The following PDE7B variants were observed in gnomAD, a reference collection of about 807,000 sequenced individuals.
The protein encoded by PDE7B is 3',5'-cyclic-AMP phosphodiesterase 7B.
A neutral mutation model predicts 56.2 loss-of-function variants in PDE7B; 29 were observed. That is an observed-to-expected ratio of 0.52 (90% CI 0.38 to 0.70). The LOEUF (loss-of-function observed/expected upper bound fraction) is 0.70. PDE7B is among the 30% of genes least tolerant of loss of function. The pLI, the probability that PDE7B is intolerant of heterozygous loss-of-function variation, is 0.00. For missense variants in PDE7B, 490 were observed against 565.0 expected, an observed-to-expected ratio of 0.87 and a Z score of 1.35; for synonymous variants, 197 against 196.9, an observed-to-expected ratio of 1.00 and a Z score of 0.00.
At chr6:135,897,424 G>T (rs1042861190) in intron 1 of PDE7B, among the ~76,000 whole-genome samples, 4 of 152,104 alleles carry the variant, frequency 2.6e-5, no homozygotes, top group African/African-American at 9.7e-5. Context: ...CTTGCCTACT[G>T]CAGACAGCAG....
At chr6:135,935,118 AGAGAGAGATGAAG>A (rs1774388735) in intron 1 of PDE7B, among the ~76,000 whole-genome samples, 7 of 96,634 alleles carry the variant, frequency 7.2e-5, no homozygotes, top group African/African-American at 3.1e-4. Flanking sequence ...TATTTTATAT[AGAGAGAGATGAAG>A]TATATATTTA....
chr6:136,002,143 G>C (rs28896555), intron 2 of PDE7B, among the ~76,000 whole-genome samples: 2,243 of 152,190 alleles, frequency 0.015, 50 homozygotes, highest in African/African-American at 0.051. Context: ...CACAGACAAG[G>C]AAATGCTGAG....
intron 3 of PDE7B, among the ~76,000 whole-genome samples, chr6:136,131,413 G>T (rs865955016): frequency 1.3e-5 from 2 of 151,246 alleles, no homozygotes; most frequent in Non-Finnish European, 2.9e-5. Context: ...TGTCCCTTCA[G>T]GTAAAATTTC....
chr6:136,021,644 CA>C (rs57606305), intron 2 of PDE7B, among the ~76,000 whole-genome samples: 530 of 130,002 alleles, frequency 4.1e-3, no homozygotes, highest in Middle Eastern at 4.3e-3. Flanking sequence ...AACTCTGTCT[CA>C]AAAAAAAAAA....
chr6:136,144,280 C>T (rs1778377642), intron 3 of PDE7B, among the ~76,000 whole-genome samples: 1 of 152,062 alleles, frequency 6.6e-6, no homozygotes, highest in Admixed American at 6.6e-5. Context: ...CAAGAATACT[C>T]ATATACTCTT....
Position 135,947,450 on chromosome 6 carries a change from T to G in PDE7B, c.22-14T>G. On this transcript the variant is annotated splice_polypyrimidine_tract_variant and intron_variant, in intron 1 of 12. Transcript: ENST00000308191. Reference sequence around the variant, plus strand: ...TGAAATCTTAAAATAACCTTGGCTATCTTTCTATTTCAGAGGTGTGGCGAA... The same window carrying G: ...TGAAATCTTAAAATAACCTTGGCTAGCTTTCTATTTCAGAGGTGTGGCGAA... 1 of 1,600,880 alleles carries G rather than the reference T, an allele frequency of 6.2e-7. No homozygotes were observed. Among genetic ancestry groups the G allele is most frequent in the Non-Finnish European group, 8.6e-7 (1 of 1,168,236 alleles).
chr6:135,994,316 A>G (rs1156432424), intron 2 of PDE7B, among the ~76,000 whole-genome samples: 1 of 152,190 alleles, frequency 6.6e-6, no homozygotes, highest in African/African-American at 2.4e-5. Context: ...ACGAAAATGA[A>G]AAGATGAATG....
intron 8 of PDE7B, among the ~76,000 whole-genome samples, chr6:136,164,993 A>T (rs1778770021): frequency 6.6e-6 from 1 of 152,228 alleles, no homozygotes; most frequent in South Asian, 2.1e-4. Context: ...ACTGGACATT[A>T]CATCTTTTGT....
chr6:136,013,774 T>C (rs768967072), intron 2 of PDE7B, among the ~76,000 whole-genome samples: 4 of 152,242 alleles, frequency 2.6e-5, no homozygotes, highest in Non-Finnish European at 5.9e-5. Flanking sequence ...TAGGGTTAAC[T>C]TGACTGCCAG....
intron 2 of PDE7B, among the ~76,000 whole-genome samples, chr6:136,040,989 C>T (rs1459916171): frequency 6.6e-6 from 1 of 152,178 alleles, no homozygotes; most frequent in Non-Finnish European, 1.5e-5. Context: ...ATTTATAGCA[C>T]ACATATTTTT....
In PDE7B at chr6:135,861,347, G is replaced by A. The variant is rs149868865; in HGVS notation, c.21+9328G>A. Among the ~76,000 whole-genome samples the A allele has an allele frequency of 1.6e-3, 236 of 151,840 alleles. 1 individual carries two copies. The highest frequency in any genetic ancestry group is 5.4e-3 in the African/African-American group (224 of 41,524). On this transcript the variant is annotated intron_variant, in intron 1 of 12. Coordinates refer to ENST00000308191, the MANE Select transcript of PDE7B (RefSeq NM_018945.4). The stretch of plus-strand genomic sequence containing the variant: ...ATTTACGCCCCCACCAACAATACAT[G>A]TTCAGTTACTCTACTTCCTCACTGG...
chr6:135,979,703 AAG>A (rs1775259861), intron 2 of PDE7B, among the ~76,000 whole-genome samples: 1 of 152,162 alleles, frequency 6.6e-6, no homozygotes, highest in African/African-American at 2.4e-5. Context: ...AATTGCTTCA[AAG>A]AGAATAAAAT....
At chr6:135,971,628 A>G (rs749152038) in intron 2 of PDE7B, among the ~76,000 whole-genome samples, 2 of 152,156 alleles carry the variant, frequency 1.3e-5, no homozygotes, top group Non-Finnish European at 2.9e-5. Flanking sequence ...TGGAGTGTTA[A>G]AATAAAAAAT....
intron 1 of PDE7B, among the ~76,000 whole-genome samples, chr6:135,924,052 A>T (rs1774138906): frequency 6.6e-6 from 1 of 152,204 alleles, no homozygotes; most frequent in African/African-American, 2.4e-5. Flanking sequence ...TGTAAAAACA[A>T]TTAGTGATAG....
At chr6:136,122,916 G>C (rs1282825174) in intron 3 of PDE7B, among the ~76,000 whole-genome samples, 1 of 152,174 alleles carries the variant, frequency 6.6e-6, no homozygotes, top group East Asian at 1.9e-4. Flanking sequence ...ATGCTCTTCA[G>C]GCAAGCCTCC....
intron 1 of PDE7B, among the ~76,000 whole-genome samples, chr6:135,892,073 A>G (rs1562427407): frequency 6.6e-6 from 1 of 152,128 alleles, no homozygotes; most frequent in East Asian, 1.9e-4. Context: ...ATTGTTTACT[A>G]TGTACCCAGT....
At chr6:136,105,850 G>A (rs1180100165) in intron 2 of PDE7B, among the ~76,000 whole-genome samples, 2 of 152,050 alleles carry the variant, frequency 1.3e-5, no homozygotes, top group Admixed American at 1.3e-4. Context: ...CGTAATAATG[G>A]GCCTCCGCTG....
At position 135,870,312 on chromosome 6, in the gene PDE7B, C is replaced by G. The variant is rs142674045; in HGVS notation, c.21+18293C>G. On this transcript the variant is annotated intron_variant, in intron 1 of 12. Coordinates refer to ENST00000308191, the MANE Select transcript of PDE7B (RefSeq NM_018945.4). ...GAGCTGGGCTCCTTGGTGGCATGTT[C>G]TGGCTCTGCCCCCTATCAGCTTTGT... is the stretch of plus-strand genomic sequence containing the variant. Among the ~76,000 whole-genome samples, 82 of 152,244 alleles carry G rather than the reference C, an allele frequency of 5.4e-4. 1 individual carries two copies. The highest frequency in any genetic ancestry group is 1.8e-3 in the African/African-American group (75 of 41,556).
chr6:136,038,229 A>ACAG lies in PDE7B; in HGVS notation c.83-70484_83-70482dup, dbSNP rs749880317. On this transcript the variant is annotated intron_variant, in intron 2 of 12. Transcript: ENST00000308191. ...AGAAGCAGAAACAGCAGCAGCAGCA[A>ACAG]CAGCAGCAGCAGCAGCAGCACCACC... The ACAG allele has an allele frequency of 2.6e-3, 3,338 of 1,294,132 alleles. 34 individuals carry two copies. In the African/African-American group the frequency reaches 0.027, roughly 11 times the overall value. 80.2% of individuals were successfully genotyped at this position (1,294,132 alleles called of 1,614,324 possible).
Sources: allele counts gnomAD v4.1 joint callset (sites outside exome capture counted in the v4.1 genomes callset), GRCh38; gene constraint gnomAD v4.1.1; transcripts MANE v1.5; gene names NCBI Gene and HGNC (gene_info 2026-07-23, HGNC 2026-07-21).